The following MTMR8 variants were observed in gnomAD, a reference collection of about 807,000 sequenced individuals.
MTMR8 encodes phosphatidylinositol-3,5-bisphosphate 3-phosphatase MTMR8.
A neutral mutation model predicts 39.3 loss-of-function variants in MTMR8; 65 were observed. The ratio of observed to expected loss-of-function variants is 1.65; its 90% CI spans 1.35 to 2.03. The LOEUF is 2.03. Among genes scored for constraint, MTMR8 ranks in the 30% most tolerant of loss-of-function variants. MTMR8 has a pLI of 0.00. For synonymous variants in MTMR8, 245 were observed against 185.2 expected (o/e 1.32, Z -2.62); for missense variants, 777 against 538.9 (o/e 1.44, Z -4.37).
intron 2 of MTMR8, among the ~76,000 whole-genome samples, chrX:64,357,416 T>A (rs1380490944): frequency 9.0e-6 from 1 of 111,413 alleles, no homozygotes; most frequent in Non-Finnish European, 1.9e-5. Context: ...ATTCAGATAT[T>A]CCTAGGATAA....
intron 1 of MTMR8, among the ~76,000 whole-genome samples, chrX:64,387,478 T>C (rs757806365): frequency 3.6e-5 from 4 of 110,972 alleles, no homozygotes; most frequent in Non-Finnish European, 5.7e-5. Flanking sequence ...TCCTCTATAG[T>C]ATGTCTCCCA....
At chrX:64,269,155 T>A in intron 13 of MTMR8, 112 bp from the exon 14 acceptor site, 2 of 798,155 alleles carry the variant, frequency 2.5e-6, no homozygotes, top group Non-Finnish European at 3.6e-6. Flanking sequence ...TGGTAGCAAA[T>A]GACCTTTTGC....
intron 12 of MTMR8, among the ~76,000 whole-genome samples, chrX:64,302,497 C>T (rs1602118770): frequency 1.8e-5 from 2 of 112,067 alleles, no homozygotes; most frequent in South Asian, 7.5e-4. Context: ...CCCGGTACCT[C>T]AGATGGAAAT....
chrX:64,382,440 T>G, intron 1 of MTMR8, among the ~76,000 whole-genome samples: 1 of 111,905 alleles, frequency 8.9e-6, no homozygotes, highest in East Asian at 2.8e-4. Context: ...TTGTGGTTTT[T>G]GCACATTGAT....
At chrX:64,302,216 A>G (rs1442521502) in intron 12 of MTMR8, among the ~76,000 whole-genome samples, 1 of 112,401 alleles carries the variant, frequency 8.9e-6, no homozygotes, top group Non-Finnish European at 1.9e-5. Context: ...GCAATCAGCG[A>G]GATTCCGCGG....
In MTMR8 at chrX:64,359,431, A is replaced by G; in HGVS notation, c.121T>C (p.Ser41Pro). 1.7e-6 allele frequency: 2 copies of G among 1,206,667 alleles called. No homozygotes were observed. The highest frequency in any genetic ancestry group is 2.2e-6 in the Non-Finnish European group (2 of 892,425). Reference sequence around the variant, plus strand: ...CATGTTTCTTTCCGGGCTGCACCTGAAGCCTCCACATAGATCAGGTGGGTT... The same window carrying G: ...CATGTTTCTTTCCGGGCTGCACCTGGAGCCTCCACATAGATCAGGTGGGTT... ...TATHLIYVEA[S>P]GAARKETWIA... is the part of the protein sequence containing the mutation. The change falls in exon 2 of 14, where the codon TCA (serine) becomes CCA (proline). Residue 41 changes from serine to proline, a missense_variant. Coordinates refer to ENST00000374852, the MANE Select transcript of MTMR8 (RefSeq NM_017677.4).
chrX:64,281,394 C>T (rs1413109478), intron 12 of MTMR8, among the ~76,000 whole-genome samples: 1 of 111,431 alleles, frequency 9.0e-6, no homozygotes. Context: ...AGAAAAAACA[C>T]CACACATCTA....
chrX:64,366,574 A>G (rs1923964661), intron 1 of MTMR8, among the ~76,000 whole-genome samples: 1 of 112,039 alleles, frequency 8.9e-6, no homozygotes, highest in African/African-American at 3.2e-5. Context: ...CAAACACACA[A>G]TGTAACAGAA....
intron 6 of MTMR8, among the ~76,000 whole-genome samples, chrX:64,347,466 G>A (rs1463395486): frequency 8.9e-6 from 1 of 111,919 alleles, no homozygotes; most frequent in Non-Finnish European, 1.9e-5. Context: ...AACAGAAAGG[G>A]AAATTATTTT....
chrX:64,388,587 C>A (rs1385827680), intron 1 of MTMR8, among the ~76,000 whole-genome samples: 3 of 112,490 alleles, frequency 2.7e-5, no homozygotes, highest in Non-Finnish European at 5.6e-5. Flanking sequence ...AGGAATCCTG[C>A]ATCTTGCAGT....
In MTMR8 at chrX:64,268,929, T is replaced by C. The variant is rs2147122824; in HGVS notation, c.1723A>G (p.Ile575Val). The change falls in exon 14 of 14, where the codon ATC (isoleucine) becomes GTC (valine). Residue 575 changes from isoleucine to valine, a missense_variant. Coordinates refer to ENST00000374852, the MANE Select transcript of MTMR8 (RefSeq NM_017677.4). ...PLTNPLGFMGINGDLNTLMEN... is the reference protein window; with the variant it reads ...PLTNPLGFMGVNGDLNTLMEN... ...ATCAGGGTATTCAGGTCTCCATTGA[T>C]ACCCATAAAGCCAAGAGGATTGGTC... 4 of 1,211,835 alleles carry C rather than the reference T, an allele frequency of 3.3e-6. No homozygotes were observed. In the South Asian group the frequency reaches 5.3e-5, roughly 16 times the overall value.
At chrX:64,341,163 T>C (rs1453660869) in intron 8 of MTMR8, among the ~76,000 whole-genome samples, 1 of 112,029 alleles carries the variant, frequency 8.9e-6, no homozygotes, top group Admixed American at 9.4e-5. Context: ...CATTAAATAG[T>C]ATAAGTATAA....
Position 64,331,722 on chromosome X carries a change from G to T in MTMR8, c.1187C>A (p.Ser396Tyr). Residue 396 changes from serine (S) to tyrosine (Y), a missense_variant, in exon 11 of 14, where the codon TCC becomes TAC. Coordinates refer to ENST00000374852, the MANE Select transcript of MTMR8 (RefSeq NM_017677.4). ...GHLDGDSKEV[S>Y]PIFTQFLDCI... is the part of the protein sequence containing the mutation. Reference sequence around the variant, plus strand: ...GTCTAGGAACTGGGTGAAGATAGGGGACACTTCTTTAGAGTCCCCATCGAG... The same window carrying T: ...GTCTAGGAACTGGGTGAAGATAGGGTACACTTCTTTAGAGTCCCCATCGAG... 8.3e-7 allele frequency: 1 copy of T among 1,210,379 alleles called. No individual in the cohort carries two copies. The highest frequency in any genetic ancestry group is 1.1e-6 in the Non-Finnish European group (1 of 894,569).
chrX:64,289,636 C>CAAAAAAAA lies in MTMR8; in HGVS notation c.1482-18571_1482-18564dup, dbSNP rs749879321. 1.1e-3 allele frequency among the ~76,000 whole-genome samples: 29 copies of CAAAAAAAA among 26,406 alleles called. 1 individual carries two copies. The highest frequency in any genetic ancestry group is 2.9e-3 in the African/African-American group (28 of 9,745). 22.9% of individuals were successfully genotyped at this position (26,406 alleles called of 115,157 possible). A position where few individuals can be genotyped will look rare whatever the true frequency, so the allele number is the denominator to read the frequency against. On this transcript the variant is annotated intron_variant, in intron 12 of 13. Coordinates refer to ENST00000374852, the MANE Select transcript of MTMR8 (RefSeq NM_017677.4). ...TGGGTGACAGAGTGAGACTCCATCG[C>CAAAAAAAA]AAAAAAAAAAAAAAAAAAAAAAAAA...
At chrX:64,276,125 GA>G (rs1224617050) in intron 12 of MTMR8, among the ~76,000 whole-genome samples, 1 of 110,624 alleles carries the variant, frequency 9.0e-6, no homozygotes, top group Non-Finnish European at 1.9e-5. Context: ...TTGATCTTTT[GA>G]AAAAAACAGC....
At chrX:64,364,058 G>T (rs1194775134) in intron 1 of MTMR8, among the ~76,000 whole-genome samples, 2 of 112,493 alleles carry the variant, frequency 1.8e-5, no homozygotes, top group Non-Finnish European at 3.8e-5. Context: ...CATTGCTGAG[G>T]CTTGAGTAGG....
At chrX:64,270,304 T>A (rs925322097) in intron 13 of MTMR8, among the ~76,000 whole-genome samples, 3 of 112,281 alleles carry the variant, frequency 2.7e-5, no homozygotes, top group African/African-American at 9.7e-5. Flanking sequence ...CTATGCCTTA[T>A]CTGGCTTAAA....
chrX:64,304,258 G>C (rs1264361089), intron 12 of MTMR8, among the ~76,000 whole-genome samples: 5 of 108,426 alleles, frequency 4.6e-5, no homozygotes, highest in African/African-American at 1.5e-4. Flanking sequence ...TCCAGTATTT[G>C]TTTTTATGTC....
chrX:64,354,995 C>T (rs1361682970), intron 3 of MTMR8, 61 bp from the exon 4 acceptor site: 9 of 964,002 alleles, frequency 9.3e-6, no homozygotes, highest in African/African-American at 7.9e-5. Context: ...AATCATCAAA[C>T]AATGCAAATA....
Sources: gnomAD v4.1 joint callset for allele counts (sites outside exome capture counted in the v4.1 genomes callset) on GRCh38, gnomAD v4.1.1 for gene constraint, MANE v1.5 for transcripts, NCBI Gene and HGNC (gene_info 2026-07-23, HGNC 2026-07-21) for gene names.